BTBD9: variants seen among roughly 807,000 people sequenced by gnomAD.
BTBD9 encodes the protein BTB domain containing 9.
A neutral mutation model predicts 64.3 loss-of-function variants in BTBD9; 49 were observed. The ratio of observed to expected loss-of-function variants is 0.76; its 90% confidence interval spans 0.61 to 0.97. The LOEUF (loss-of-function observed/expected upper bound fraction) is 0.97, where lower values mean the gene tolerates loss of function less well. Among genes scored for constraint, BTBD9 ranks in the 50% least tolerant of loss-of-function variants. BTBD9 has a pLI of 0.00. For missense variants in BTBD9, 598 were observed against 762.1 expected, an observed-to-expected ratio of 0.78 and a Z score of 2.53; for synonymous variants, 260 against 274.7, an observed-to-expected ratio of 0.95 and a Z score of 0.53.
intron 7 of BTBD9, among the ~76,000 whole-genome samples, chr6:38,317,237 T>A (rs1763061945): frequency 1.3e-5 from 2 of 152,106 alleles, no homozygotes; most frequent in African/African-American, 4.8e-5. Context: ...CCTCGTGATC[T>A]ACCAGCCTCG....
At chr6:38,478,476 G>A (rs962838744) in intron 6 of BTBD9, among the ~76,000 whole-genome samples, 3 of 152,140 alleles carry the variant, frequency 2.0e-5, no homozygotes, top group Admixed American at 2.0e-4. Flanking sequence ...ATGGCCGGCA[G>A]TGAGGATGGT....
chr6:38,314,658 G>A (rs955521338), intron 7 of BTBD9, among the ~76,000 whole-genome samples: 7 of 151,730 alleles, frequency 4.6e-5, no homozygotes, highest in South Asian at 2.1e-4. Flanking sequence ...CTTCAATCTC[G>A]TTACTTGTTA....
At chr6:38,413,471 C>T (rs916083607) in intron 6 of BTBD9, among the ~76,000 whole-genome samples, 1 of 152,158 alleles carries the variant, frequency 6.6e-6, no homozygotes, top group Non-Finnish European at 1.5e-5. Context: ...AACAAAAATG[C>T]CACTGTTTAG....
At chr6:38,541,929 T>A (rs2127438451) in intron 6 of BTBD9, among the ~76,000 whole-genome samples, 1 of 152,340 alleles carries the variant, frequency 6.6e-6, no homozygotes, top group Non-Finnish European at 1.5e-5. Context: ...ACTAAAAAGA[T>A]AAAACAGTTT....
chr6:38,276,907 G>A (rs559418964), intron 8 of BTBD9, among the ~76,000 whole-genome samples: 7 of 152,212 alleles, frequency 4.6e-5, no homozygotes, highest in Admixed American at 6.5e-5. Flanking sequence ...TAGGTATGCC[G>A]TAAAATTTCT....
chr6:38,563,902 C>T (rs765274226), intron 6 of BTBD9, among the ~76,000 whole-genome samples: 1 of 151,940 alleles, frequency 6.6e-6, no homozygotes, highest in African/African-American at 2.4e-5. Flanking sequence ...CTTCCTCAGC[C>T]TCCCGAGTAG....
intron 6 of BTBD9, among the ~76,000 whole-genome samples, chr6:38,350,406 C>T (rs1018102167): frequency 6.6e-6 from 1 of 152,152 alleles, no homozygotes; most frequent in Non-Finnish European, 1.5e-5. Flanking sequence ...CGTGGTATTC[C>T]GCAGTCTTCA....
In BTBD9 at chr6:38,168,636, T is replaced by C. The variant is rs2127463486; in HGVS notation, c.*6349A>G. The C allele has an allele frequency of 1.3e-5, 2 of 152,380 alleles. No homozygotes were observed. Among genetic ancestry groups the C allele is most frequent in the South Asian group, 4.1e-4 (2 of 4,830 alleles). The allele number at this position is 152,380 out of a possible 1,614,324, so 9.4% of individuals were successfully genotyped here. A position where few individuals can be genotyped will look rare whatever the true frequency, so the allele number is the denominator to read the frequency against. On this transcript the variant is annotated 3_prime_UTR_variant, in exon 11 of 11. Coordinates refer to ENST00000481247, the MANE Select transcript of BTBD9 (RefSeq NM_001099272.2). ...TAGCAGCACAGCCTTTTGGGCATCT[T>C]TGGAGTTTTAGACGGAGCTTCTGGA...
At chr6:38,280,538 G>T (rs1433962020) in intron 8 of BTBD9, among the ~76,000 whole-genome samples, 1 of 152,176 alleles carries the variant, frequency 6.6e-6, no homozygotes, top group Admixed American at 6.5e-5. Context: ...CATATATTTA[G>T]ATGTTTGCTG....
At chr6:38,503,880 ACT>A (rs1772328534) in intron 6 of BTBD9, among the ~76,000 whole-genome samples, 1 of 152,128 alleles carries the variant, frequency 6.6e-6, no homozygotes, top group South Asian at 2.1e-4. Flanking sequence ...AAAAATCATA[ACT>A]CTGCCAAAAT....
chr6:38,438,326 C>T (rs1370057213), intron 6 of BTBD9, among the ~76,000 whole-genome samples: 1 of 151,968 alleles, frequency 6.6e-6, no homozygotes, highest in Non-Finnish European at 1.5e-5. Context: ...CTTTCACATA[C>T]TTTGGATCCT....
At chr6:38,578,174 C>T (rs973696325) in intron 5 of BTBD9, among the ~76,000 whole-genome samples, 4 of 152,114 alleles carry the variant, frequency 2.6e-5, no homozygotes, top group South Asian at 2.1e-4. Context: ...TCGGCCACCC[C>T]TCTAAGGAAG....
intron 4 of BTBD9, among the ~76,000 whole-genome samples, chr6:38,591,797 A>AAT (rs1470643208): frequency 2.0e-5 from 3 of 152,206 alleles, no homozygotes; most frequent in Non-Finnish European, 4.4e-5. Flanking sequence ...TTAATAAGAA[A>AAT]AATCACCACT....
intron 7 of BTBD9, among the ~76,000 whole-genome samples, chr6:38,303,856 T>TAC (rs1762505416): frequency 3.4e-5 from 4 of 118,608 alleles, no homozygotes; most frequent in African/African-American, 1.4e-4. Context: ...TATATATATA[T>TAC]ATATATATAT....
At chr6:38,182,510 G>A (rs1419391788) in intron 10 of BTBD9, among the ~76,000 whole-genome samples, 1 of 152,184 alleles carries the variant, frequency 6.6e-6, no homozygotes, top group Non-Finnish European at 1.5e-5. Flanking sequence ...CCTCACCAGG[G>A]CCCCCTTCCC....
chr6:38,420,629 A>G (rs2814897), intron 6 of BTBD9, among the ~76,000 whole-genome samples: 144,520 of 152,170 alleles, frequency 0.95, 68,718 homozygotes, highest in East Asian at 1. Context: ...AAGCTGAGGC[A>G]GGGGGATCAC....
intron 8 of BTBD9, among the ~76,000 whole-genome samples, chr6:38,260,210 G>A (rs1335121541): frequency 3.9e-5 from 6 of 152,124 alleles, no homozygotes; most frequent in Admixed American, 3.3e-4. Context: ...ATATGTTCTG[G>A]ATTGAAATCA....
intron 1 of BTBD9, among the ~76,000 whole-genome samples, chr6:38,618,866 G>A (rs1413280982): frequency 6.6e-6 from 1 of 152,180 alleles, no homozygotes; most frequent in Admixed American, 6.5e-5. Flanking sequence ...TGGTAACTTA[G>A]TCAAGTAAAT....
chr6:38,204,686 GTGAATTGTATGGTATA>G (rs937055101), intron 9 of BTBD9, among the ~76,000 whole-genome samples: 10 of 152,082 alleles, frequency 6.6e-5, no homozygotes, highest in Non-Finnish European at 8.8e-5. Context: ...CTTTCAGTGG[GTGAATTGTATGGTATA>G]TGAATTGTAT....
Sources: allele counts gnomAD v4.1 joint callset (sites outside exome capture counted in the v4.1 genomes callset), GRCh38; gene constraint gnomAD v4.1.1; transcripts MANE v1.5; gene names NCBI Gene and HGNC (gene_info 2026-07-23, HGNC 2026-07-21).